The following ALK variants were observed in gnomAD, a reference collection of about 807,000 sequenced individuals.
ALK encodes the protein ALK receptor tyrosine kinase, also known as ALK tyrosine kinase receptor.
ALK carries 74 observed loss-of-function variants against 163.1 expected under a neutral mutation model. The ratio of observed to expected loss-of-function variants is 0.45; its 90% CI spans 0.38 to 0.55. The LOEUF is 0.55. ALK is among the 20% of genes least tolerant of loss of function. The pLI is 0.00. For missense variants in ALK, 2,063 were observed against 2,105.3 expected, an observed-to-expected ratio of 0.98 and a Z score of 0.39; for synonymous variants, 960 against 843.2, an observed-to-expected ratio of 1.14 and a Z score of -2.40.
At chr2:29,342,877 CTTTTTT>C (rs57838065) in intron 5 of ALK, among the ~76,000 whole-genome samples, 7 of 90,444 alleles carry the variant, frequency 7.7e-5, no homozygotes, top group South Asian at 4.5e-4. Flanking sequence ...GCTCAGTGAT[CTTTTTT>C]TTTTTTTTTT....
At chr2:29,204,734 G>A (rs569168727) in intron 26 of ALK, among the ~76,000 whole-genome samples, 2 of 152,132 alleles carry the variant, frequency 1.3e-5, no homozygotes, top group South Asian at 2.1e-4. Context: ...GGTTTACAGG[G>A]GCCTACCACC....
chr2:29,538,186 AT>A (rs200482867), intron 3 of ALK, among the ~76,000 whole-genome samples: 2 of 151,554 alleles, frequency 1.3e-5, no homozygotes, highest in African/African-American at 4.9e-5. Flanking sequence ...AGGACATGAT[AT>A]TTGGGGGGGG....
rs1311597436 is a variant in ALK, at chr2:29,750,709, C to A, written c.668-33012G>T. On this transcript the variant is annotated intron_variant, in intron 1 of 28. Transcript: ENST00000389048. ...GAAGGAAGGAAGGAAGGCAGGCAGG[C>A]AGGAAGGAAGGAAGGAAGGAAGAAA... Among the ~76,000 whole-genome samples the A allele has an allele frequency of 3.5e-3, 386 of 109,958 alleles. 8 individuals carry two copies. The highest frequency in any genetic ancestry group is 0.011 in the African/African-American group (317 of 28,598). The allele number at this position is 109,958 out of a possible 152,430, so 72.1% of individuals were successfully genotyped here.
At chr2:29,319,886 G>A (rs376971649) in intron 7 of ALK, among the ~76,000 whole-genome samples, 1 of 152,248 alleles carries the variant, frequency 6.6e-6, no homozygotes, top group Non-Finnish European at 1.5e-5. Flanking sequence ...GCATTGGAGG[G>A]TCTCTAGTTC....
chr2:29,453,220 C>A (rs1670867078), intron 4 of ALK, among the ~76,000 whole-genome samples: 1 of 152,024 alleles, frequency 6.6e-6, no homozygotes, highest in African/African-American at 2.4e-5. Flanking sequence ...ATTTAAATAT[C>A]AAACTATCTC....
chr2:29,581,868 C>T (rs1674702217), intron 3 of ALK, among the ~76,000 whole-genome samples: 2 of 152,210 alleles, frequency 1.3e-5, no homozygotes, highest in Admixed American at 1.3e-4. Flanking sequence ...TGCCTTGTTT[C>T]CTTACCTCTT....
intron 3 of ALK, among the ~76,000 whole-genome samples, chr2:29,643,976 C>T (rs1020310401): frequency 1.3e-4 from 19 of 151,926 alleles, no homozygotes; most frequent in South Asian, 8.4e-4. Flanking sequence ...CTATTCACAA[C>T]AGCAAAGACT....
At chr2:29,278,967 CAT>C (rs1475531503) in intron 9 of ALK, among the ~76,000 whole-genome samples, 7 of 91,738 alleles carry the variant, frequency 7.6e-5, no homozygotes, top group African/African-American at 2.4e-4. Context: ...GAGTAAATGA[CAT>C]GTGTGTGCCT....
intron 4 of ALK, among the ~76,000 whole-genome samples, chr2:29,394,302 C>T (rs1239169573): frequency 1.1e-4 from 15 of 140,718 alleles, no homozygotes; most frequent in Non-Finnish European, 2.3e-4. Flanking sequence ...GGAAAAAACA[C>T]TGATTATCCA....
At chr2:29,320,473 G>A (rs1243018900) in intron 7 of ALK, among the ~76,000 whole-genome samples, 1 of 152,206 alleles carries the variant, frequency 6.6e-6, no homozygotes, top group Non-Finnish European at 1.5e-5. Flanking sequence ...CATACTTGTT[G>A]ATGGAAAGGA....
At chr2:29,621,582 C>A (rs1676039565) in intron 3 of ALK, among the ~76,000 whole-genome samples, 1 of 152,216 alleles carries the variant, frequency 6.6e-6, no homozygotes, top group African/African-American at 2.4e-5. Flanking sequence ...AGGTGACATT[C>A]AGATCTGGGA....
intron 4 of ALK, among the ~76,000 whole-genome samples, chr2:29,491,276 T>G (rs1256688899): frequency 6.6e-6 from 1 of 152,146 alleles, no homozygotes; most frequent in Non-Finnish European, 1.5e-5. Flanking sequence ...TAGAGACAGG[T>G]TTCCGTGGCT....
At chr2:29,651,451 A>T (rs1677033593) in intron 3 of ALK, among the ~76,000 whole-genome samples, 1 of 152,102 alleles carries the variant, frequency 6.6e-6, no homozygotes, top group South Asian at 2.1e-4. Flanking sequence ...CATCTTTCTC[A>T]CATTTATCAG....
chr2:29,194,053 A>AACTT lies in ALK; in HGVS notation c.4165-135_4165-132dup, dbSNP rs959552992. On this transcript the variant is annotated intron_variant, in intron 28 of 28. Transcript: ENST00000389048. ...AACCAGGATTTATTGAGAATATAGT[A>AACTT]ACTTACAGGCACTGGGGCATACAAA... 6.7e-6 allele frequency: 6 copies of AACTT among 900,228 alleles called. No homozygotes were observed. In the East Asian group the frequency reaches 1.3e-4, roughly 19 times the overall value. The allele number at this position is 900,228 out of a possible 1,614,324, so 55.8% of individuals were successfully genotyped here. A position where few individuals can be genotyped will look rare whatever the true frequency, so the allele number is the denominator to read the frequency against.
intron 1 of ALK, among the ~76,000 whole-genome samples, chr2:29,749,278 G>C (rs1280377779): frequency 6.6e-6 from 1 of 152,172 alleles, no homozygotes; most frequent in Non-Finnish European, 1.5e-5. Flanking sequence ...TTGGTGGTTT[G>C]GAGGTCATGC....
chr2:29,361,212 A>G (rs904814196), intron 5 of ALK, among the ~76,000 whole-genome samples: 1 of 152,356 alleles, frequency 6.6e-6, no homozygotes, highest in East Asian at 1.9e-4. Context: ...TGGGGCATAA[A>G]CCAATTGTTA....
chr2:29,915,425 G>A (rs1359485759), intron 1 of ALK, among the ~76,000 whole-genome samples: 1 of 152,036 alleles, frequency 6.6e-6, no homozygotes, highest in African/African-American at 2.4e-5. Context: ...TCACCATGTT[G>A]GCCAGGCTGA....
intron 4 of ALK, among the ~76,000 whole-genome samples, chr2:29,404,869 A>G (rs781071159): frequency 6.6e-6 from 1 of 152,188 alleles, no homozygotes; most frequent in Non-Finnish European, 1.5e-5. Context: ...TCATGCCACG[A>G]GGAAAAGCAG....
chr2:29,486,824 G>A (rs1371179066), intron 4 of ALK, among the ~76,000 whole-genome samples: 1 of 152,116 alleles, frequency 6.6e-6, no homozygotes, highest in Non-Finnish European at 1.5e-5. Context: ...GGAAATAATA[G>A]TAGCATTTAA....
Sources: gnomAD v4.1 joint callset for allele counts (sites outside exome capture counted in the v4.1 genomes callset) on GRCh38, gnomAD v4.1.1 for gene constraint, MANE v1.5 for transcripts, NCBI Gene and HGNC (gene_info 2026-07-23, HGNC 2026-07-21) for gene names.